The following KIAA0319L variants were observed in gnomAD, a reference collection of about 807,000 sequenced individuals.
KIAA0319L encodes dyslexia-associated protein KIAA0319-like protein.
A neutral mutation model predicts 120.1 loss-of-function variants in KIAA0319L; 55 were observed. That is an observed-to-expected ratio of 0.46 (90% confidence interval 0.37 to 0.57). KIAA0319L has a LOEUF of 0.57. Ranked by LOEUF, KIAA0319L falls within the 20% of genes least tolerant of loss-of-function variation. The pLI is 0.00. For missense variants in KIAA0319L, 1,049 were observed against 1,255.3 expected (o/e 0.84, Z 2.48); for synonymous variants, 398 against 471.9 (o/e 0.84, Z 2.03).
At chr1:35,462,156 T>G (rs1196180497) in intron 8 of KIAA0319L, among the ~76,000 whole-genome samples, 1 of 152,148 alleles carries the variant, frequency 6.6e-6, no homozygotes, top group Non-Finnish European at 1.5e-5. Context: ...GACCAGGGTG[T>G]GGAGTGCATT....
intron 7 of KIAA0319L, among the ~76,000 whole-genome samples, chr1:35,465,663 G>A (rs937020551): frequency 2.6e-5 from 4 of 152,102 alleles, no homozygotes; most frequent in Non-Finnish European, 5.9e-5. Flanking sequence ...GATTTGGGAG[G>A]GGCCAGGGGT....
chr1:35,552,844 T>C (rs937794778), intron 2 of KIAA0319L, among the ~76,000 whole-genome samples: 3 of 152,058 alleles, frequency 2.0e-5, no homozygotes, highest in African/African-American at 2.4e-5. Context: ...GGCCGAGGCA[T>C]GCAGATCACT....
chr1:35,507,027 G>A lies in KIAA0319L; in HGVS notation c.251C>T (p.Ser84Leu), dbSNP rs971728945. 2 of 1,610,970 alleles carry A rather than the reference G, an allele frequency of 1.2e-6. No homozygotes were observed. The highest frequency in any genetic ancestry group is 3.4e-5 in the Admixed American group (2 of 59,686). ...GTCCTGGCAGCAGGCAGCCCAACAT[G>A]ACTGGAGAGAGGGGGTTCCTTCAAG... ...WLLEGTPSLQ[S>L]CWAACCQDSA... The change falls in exon 3 of 21, where the codon TCA becomes TTA. Residue 84 changes from serine to leucine, a missense_variant. By Grantham distance (145) the Ser-to-Leu change is moderately radical (BLOSUM62 -2). Coordinates refer to ENST00000325722, the MANE Select transcript of KIAA0319L (RefSeq NM_024874.5).
intron 3 of KIAA0319L, among the ~76,000 whole-genome samples, chr1:35,485,236 T>C (rs12046380): frequency 6.6e-6 from 1 of 152,294 alleles, no homozygotes; most frequent in East Asian, 1.9e-4. Context: ...ATAACTTGCC[T>C]ATACTTAAAC....
chr1:35,514,292 G>GTA (rs1645589565), intron 2 of KIAA0319L, among the ~76,000 whole-genome samples: 1 of 151,216 alleles, frequency 6.6e-6, no homozygotes, highest in South Asian at 2.1e-4. Context: ...AGAGATGAAA[G>GTA]TAAACACATA....
chr1:35,465,794 T>TG (rs1376043241), intron 7 of KIAA0319L, among the ~76,000 whole-genome samples: 1 of 152,142 alleles, frequency 6.6e-6, no homozygotes, highest in Non-Finnish European at 1.5e-5. Context: ...AATTGAATTA[T>TG]GGGGGCAGGT....
At chr1:35,435,140 C>T (rs1640681611) in intron 20 of KIAA0319L, 59 bp from the exon 21 acceptor site, 19 of 1,474,024 alleles carry the variant, frequency 1.3e-5, no homozygotes, top group Middle Eastern at 1.8e-4. Flanking sequence ...GGAGCCACCC[C>T]CACACCTTAC....
In KIAA0319L at chr1:35,484,802, A is replaced by G. The variant is rs1553205307; in HGVS notation, c.667-5590T>C. On this transcript the variant is annotated intron_variant, in intron 3 of 20. Transcript: ENST00000325722. The stretch of plus-strand genomic sequence containing the variant: ...TATATATATATATATATATATATAT[A>G]TATATTTTTTTTTTTATTATACTCT... Among the ~76,000 whole-genome samples, 2 of 14,112 alleles carry G rather than the reference A, an allele frequency of 1.4e-4. 1 individual carries two copies. Among genetic ancestry groups the G allele is most frequent in the African/African-American group, 5.0e-4 (2 of 3,996 alleles). The allele number at this position is 14,112 out of a possible 152,430, so 9.3% of individuals were successfully genotyped here.
intron 2 of KIAA0319L, among the ~76,000 whole-genome samples, chr1:35,536,458 A>T (rs1291797775): frequency 6.6e-6 from 1 of 152,250 alleles, no homozygotes; most frequent in African/African-American, 2.4e-5. Flanking sequence ...ATAGCTTCCC[A>T]GTTCACCTAG....
intron 6 of KIAA0319L, among the ~76,000 whole-genome samples, chr1:35,467,292 CTAAA>C (rs1379127352): frequency 6.6e-6 from 1 of 151,908 alleles, no homozygotes; most frequent in African/African-American, 2.4e-5. Context: ...TGTAAAGATA[CTAAA>C]TAGTTCCCAA....
chr1:35,488,256 G>C (rs565461702), intron 3 of KIAA0319L, among the ~76,000 whole-genome samples: 1 of 152,196 alleles, frequency 6.6e-6, no homozygotes, highest in South Asian at 2.1e-4. Context: ...TTATCTGTGG[G>C]AAGGTTTCAG....
intron 14 of KIAA0319L, 82 bp from the exon 15 acceptor site, chr1:35,450,087 T>C: frequency 6.5e-7 from 1 of 1,536,594 alleles, no homozygotes; most frequent in Non-Finnish European, 9.0e-7. Context: ...TCACCATAAC[T>C]AGGCCCTTCA....
intron 20 of KIAA0319L, 40 bp from the exon 21 acceptor site, chr1:35,435,121 C>T (rs778314931): frequency 6.9e-6 from 11 of 1,585,508 alleles, no homozygotes; most frequent in Admixed American, 1.7e-5. Flanking sequence ...GGAGACTGGC[C>T]TCAAGGCTGG....
intron 3 of KIAA0319L, among the ~76,000 whole-genome samples, chr1:35,490,281 A>G (rs1383679997): frequency 6.6e-6 from 1 of 152,264 alleles, no homozygotes; most frequent in East Asian, 1.9e-4. Flanking sequence ...CTACTTTAGT[A>G]GGATAGAAAA....
intron 2 of KIAA0319L, among the ~76,000 whole-genome samples, chr1:35,522,280 GTTTA>G (rs571911764): frequency 1.3e-4 from 20 of 151,352 alleles, no homozygotes; most frequent in Admixed American, 8.5e-4. Flanking sequence ...TTATTTGTTT[GTTTA>G]TTTATTTATT....
intron 2 of KIAA0319L, among the ~76,000 whole-genome samples, chr1:35,548,289 G>C (rs1647060615): frequency 2.6e-5 from 4 of 151,832 alleles, no homozygotes; most frequent in Admixed American, 2.6e-4. Context: ...CATGCTAATG[G>C]ATACCCTAAC....
At chr1:35,518,049 A>T (rs1457090702) in intron 2 of KIAA0319L, among the ~76,000 whole-genome samples, 3 of 152,270 alleles carry the variant, frequency 2.0e-5, no homozygotes, top group African/African-American at 7.2e-5. Context: ...AATGGCTATT[A>T]TCAAAAAGCC....
chr1:35,540,295 T>C (rs527747811), intron 2 of KIAA0319L, among the ~76,000 whole-genome samples: 8 of 152,348 alleles, frequency 5.3e-5, no homozygotes, highest in African/African-American at 1.9e-4. Context: ...TTTTATAGTT[T>C]CCTTTTGTGA....
rs576055369 is a variant in KIAA0319L at position 35,548,013 on chromosome 1, C to T, written c.142+6337G>A. 2.9e-3 allele frequency among the ~76,000 whole-genome samples: 443 copies of T among 151,348 alleles called. 1 individual carries two copies. The highest frequency in any genetic ancestry group is 4.2e-3 in the Non-Finnish European group (282 of 67,858). On this transcript the variant is annotated intron_variant, in intron 2 of 20. Transcript: ENST00000325722. ...GTGCACCCCTGTAGTCCCAGCTACT[C>T]GGGAGGCTGGGGTAGGAGAATTGCT...
Sources: allele counts gnomAD v4.1 joint callset (sites outside exome capture counted in the v4.1 genomes callset), GRCh38; gene constraint gnomAD v4.1.1; transcripts MANE v1.5; gene names NCBI Gene and HGNC (gene_info 2026-07-23, HGNC 2026-07-21).